CABLES1: variants seen among roughly 807,000 people sequenced by gnomAD.
CABLES1 encodes the protein Cdk5 and Abl enzyme substrate 1.
Under a neutral mutation model 57.8 loss-of-function variants are expected in CABLES1, and 36 were observed. The ratio of observed to expected loss-of-function variants is 0.62; its 90% confidence interval spans 0.48 to 0.82. The LOEUF (loss-of-function observed/expected upper bound fraction) is 0.82. CABLES1 is among the 40% of genes least tolerant of loss of function. The pLI, the probability that CABLES1 is intolerant of heterozygous loss-of-function variation, is 0.00. For missense variants in CABLES1, 767 were observed against 836.6 expected, an observed-to-expected ratio of 0.92 and a Z score of 1.03; for synonymous variants, 374 against 363.0, an observed-to-expected ratio of 1.03 and a Z score of -0.35.
chr18:23,211,059 T>A (rs372705980), intron 3 of CABLES1, among the ~76,000 whole-genome samples: 3 of 151,996 alleles, frequency 2.0e-5, no homozygotes, highest in Admixed American at 2.0e-4. Flanking sequence ...CTCCTAGATA[T>A]AGTGGTGCGG....
At chr18:23,191,923 A>AGGC (rs1568061462) in intron 2 of CABLES1, among the ~76,000 whole-genome samples, 9 of 49,408 alleles carry the variant, frequency 1.8e-4, no homozygotes, top group South Asian at 5.1e-4. Context: ...AAAAAAAAAA[A>AGGC]AAAAAAAAAA....
chr18:23,185,854 TA>T (rs2145011536), intron 1 of CABLES1, among the ~76,000 whole-genome samples: 1 of 152,342 alleles, frequency 6.6e-6, no homozygotes, highest in East Asian at 1.9e-4. Flanking sequence ...TTAATTTAAG[TA>T]AATACTTAAA....
chr18:23,178,487 G>A (rs570693515), intron 1 of CABLES1, among the ~76,000 whole-genome samples: 15 of 152,276 alleles, frequency 9.9e-5, no homozygotes, highest in Non-Finnish European at 1.5e-4. Context: ...CCTTCATGGC[G>A]GCCAGGTGTG....
At chr18:23,256,914 T>G (rs1452596019) in intron 9 of CABLES1, among the ~76,000 whole-genome samples, 2 of 152,262 alleles carry the variant, frequency 1.3e-5, no homozygotes, top group African/African-American at 4.8e-5. Context: ...CTCTGACTTC[T>G]TGGAGCCCGT....
At chr18:23,230,905 G>C (rs767478158) in intron 4 of CABLES1, among the ~76,000 whole-genome samples, 3 of 152,190 alleles carry the variant, frequency 2.0e-5, no homozygotes, top group Non-Finnish European at 4.4e-5. Flanking sequence ...GACCCCTCCA[G>C]GCAAAAAGAT....
chr18:23,170,472 A>G (rs1330549016), intron 1 of CABLES1, among the ~76,000 whole-genome samples: 1 of 152,022 alleles, frequency 6.6e-6, no homozygotes, highest in Non-Finnish European at 1.5e-5. Flanking sequence ...GGGTTCCAAG[A>G]CCACACACCC....
chr18:23,163,702 T>A (rs935535366), intron 1 of CABLES1, among the ~76,000 whole-genome samples: 5 of 152,086 alleles, frequency 3.3e-5, no homozygotes, highest in Non-Finnish European at 7.4e-5. Context: ...CTGGTGAGCA[T>A]GGATTTATAG....
chr18:23,234,514 C>T lies in CABLES1; in HGVS notation c.1089-94C>T, dbSNP rs1014262849. 21 of 907,792 alleles carry T rather than the reference C, an allele frequency of 2.3e-5. No individual in the cohort carries two copies. The Admixed American group carries it at 2.6e-4, about 11-fold the overall frequency. The allele number at this position is 907,792 out of a possible 1,614,324, so 56.2% of individuals were successfully genotyped here. On this transcript the variant is annotated intron_variant, in intron 4 of 9. Transcript: ENST00000256925. ...CCAGGGCTCACCTGGTCATTTTCAT[C>T]GGTGTGACTGTGTTGTCTCATGGAG... is the stretch of plus-strand genomic sequence containing the variant.
intron 1 of CABLES1, among the ~76,000 whole-genome samples, chr18:23,169,688 G>A (rs1384110403): frequency 6.6e-6 from 1 of 152,218 alleles, no homozygotes; most frequent in Non-Finnish European, 1.5e-5. Flanking sequence ...GAAGCTGTTT[G>A]AAGCTAAAAG....
intron 1 of CABLES1, among the ~76,000 whole-genome samples, chr18:23,145,308 T>A (rs941837929): frequency 1.3e-5 from 2 of 151,988 alleles, no homozygotes; most frequent in Non-Finnish European, 2.9e-5. Context: ...CTTGACCTCG[T>A]GATCTGCCTG....
chr18:23,248,538 T>TTTTTTTTTTAA (rs1555671608), intron 7 of CABLES1, among the ~76,000 whole-genome samples: 2 of 93,612 alleles, frequency 2.1e-5, no homozygotes, highest in Non-Finnish European at 4.7e-5. Flanking sequence ...TTTTTTTTTT[T>TTTTTTTTTTAA]AAAAAAAGGC....
rs1164441100 is a variant in CABLES1 at position 23,136,485 on chromosome 18, C to G, written c.723C>G (p.Asn241Lys). ...GSGSGSRGRL[N>K]SFTQGILPIA... ...GGAGCGGCAGTCGGGGACGCCTCAA[C>G]TCGTTCACTCAGGGAATCCTGCCCA... Residue 241 changes from asparagine to lysine, a missense_variant, in exon 1 of 10, where the codon AAC becomes AAG. Asn to Lys is a moderately conservative substitution (Grantham distance 94, BLOSUM62 0). Transcript: ENST00000256925. 3 of 1,602,966 alleles carry G rather than the reference C, an allele frequency of 1.9e-6. No homozygotes were observed. The Admixed American group carries it at 5.0e-5, about 27-fold the overall frequency.
At chr18:23,224,690 T>A (rs1241917655) in intron 4 of CABLES1, among the ~76,000 whole-genome samples, 2 of 146,696 alleles carry the variant, frequency 1.4e-5, no homozygotes, top group Non-Finnish European at 3.0e-5. Flanking sequence ...TGCCACAGCC[T>A]CCTGAGTAGC....
At chr18:23,137,360 A>G (rs2046829852) in intron 1 of CABLES1, among the ~76,000 whole-genome samples, 1 of 152,198 alleles carries the variant, frequency 6.6e-6, no homozygotes, top group Non-Finnish European at 1.5e-5. Context: ...TTCAGGAAAT[A>G]GAGTTTGTCA....
At chr18:23,244,860 G>A (rs1408806764) in intron 7 of CABLES1, among the ~76,000 whole-genome samples, 1 of 152,246 alleles carries the variant, frequency 6.6e-6, no homozygotes, top group Non-Finnish European at 1.5e-5. Flanking sequence ...GTGGCCGAGT[G>A]TACGGCAAGC....
intron 4 of CABLES1, among the ~76,000 whole-genome samples, chr18:23,229,092 C>T (rs1045860905): frequency 5.3e-5 from 8 of 152,090 alleles, no homozygotes; most frequent in African/African-American, 1.9e-4. Flanking sequence ...TGCCTCTATG[C>T]CATTTTTAAA....
chr18:23,247,150 C>T lies in CABLES1; in HGVS notation c.1447-5810C>T, dbSNP rs567686419. Among the ~76,000 whole-genome samples the T allele has an allele frequency of 2.0e-4, 30 of 152,376 alleles. 1 individual carries two copies. The highest frequency in any genetic ancestry group is 7.0e-4 in the African/African-American group (29 of 41,594). Reference sequence around the variant, plus strand: ...CTAGTACAGCCTCCCCAGCTCACCCCCAGCACTAAAGAGAGGATGCCATCT... The same window carrying T: ...CTAGTACAGCCTCCCCAGCTCACCCTCAGCACTAAAGAGAGGATGCCATCT... On this transcript the variant is annotated intron_variant, in intron 7 of 9. Coordinates refer to ENST00000256925, the MANE Select transcript of CABLES1 (RefSeq NM_001100619.3).
chr18:23,207,575 A>G (rs1320062623), intron 3 of CABLES1, among the ~76,000 whole-genome samples: 6 of 152,160 alleles, frequency 3.9e-5, no homozygotes, highest in Admixed American at 3.9e-4. Context: ...GCATGGAGGT[A>G]TCTCCCAACC....
intron 7 of CABLES1, among the ~76,000 whole-genome samples, chr18:23,248,554 G>T (rs1353876815): frequency 7.8e-6 from 1 of 128,746 alleles, no homozygotes; most frequent in African/African-American, 2.8e-5. Flanking sequence ...AAGGCTGGAC[G>T]TGGTGGCTCA....
Sources: gnomAD v4.1 joint callset for allele counts (sites outside exome capture counted in the v4.1 genomes callset) on GRCh38, gnomAD v4.1.1 for gene constraint, MANE v1.5 for transcripts, NCBI Gene and HGNC (gene_info 2026-07-23, HGNC 2026-07-21) for gene names.